GTPBP10: variants seen among roughly 807,000 people sequenced by gnomAD.
GTPBP10 encodes the protein GTP-binding protein 10.
GTPBP10 carries 38 observed loss-of-function variants against 44.8 expected under a neutral mutation model. The ratio of observed to expected loss-of-function variants is 0.85; its 90% CI spans 0.65 to 1.11. GTPBP10 has a LOEUF of 1.11. Among genes scored for constraint, GTPBP10 ranks in the 50% most tolerant of loss-of-function variants. The pLI is 0.00. For synonymous variants in GTPBP10, 152 were observed against 150.6 expected (o/e 1.01, Z -0.07); for missense variants, 462 against 453.7 (o/e 1.02, Z -0.17).
At chr7:90,355,937 G>A (rs1003072235) in intron 4 of GTPBP10, among the ~76,000 whole-genome samples, 3 of 152,082 alleles carry the variant, frequency 2.0e-5, no homozygotes, top group African/African-American at 7.2e-5. Flanking sequence ...ACTTCAATTT[G>A]CATTTGCTCT....
chr7:90,382,550 A>C (rs17864947), intron 8 of GTPBP10, among the ~76,000 whole-genome samples: 2,358 of 152,266 alleles, frequency 0.015, 60 homozygotes, highest in African/African-American at 0.052. Context: ...TTTATCTATT[A>C]TTTTACTTGT....
chr7:90,377,372 G>T, intron 6 of GTPBP10, 135 bp from the exon 7 acceptor site: 1 of 522,810 alleles, frequency 1.9e-6, no homozygotes, highest in Non-Finnish European at 3.4e-6. Context: ...CTTATACTTG[G>T]CTTTTCAAAG....
chr7:90,384,345 A>G (rs992287559), intron 9 of GTPBP10, among the ~76,000 whole-genome samples: 3 of 152,176 alleles, frequency 2.0e-5, no homozygotes, highest in African/African-American at 7.2e-5. Flanking sequence ...AGGTAAAAGT[A>G]ATATAACAAT....
At chr7:90,368,255 T>C (rs1024061466) in intron 4 of GTPBP10, among the ~76,000 whole-genome samples, 2 of 152,196 alleles carry the variant, frequency 1.3e-5, no homozygotes, top group African/African-American at 4.8e-5. Flanking sequence ...GACAATTATG[T>C]GTCTTGCGGT....
rs1375473066 is a variant in GTPBP10, at chr7:90,355,159, C to G, written c.393C>G (p.Phe131Leu). The G allele has an allele frequency of 3.1e-6, 5 of 1,606,854 alleles. No homozygotes were observed. Among genetic ancestry groups the G allele is most frequent in the Middle Eastern group, 1.7e-4 (1 of 5,896 alleles). ...TTGGTGGTAAATTACTTACAAATTT[C>G]TTACCATTGAAAGGCCAGAAACGAA... is the stretch of plus-strand genomic sequence containing the variant. ...GGLGGKLLTN[F>L]LPLKGQKRII... Residue 131 changes from phenylalanine (F) to leucine (L), a missense_variant, in exon 4 of 10, where the codon TTC becomes TTG. Phe to Leu is a conservative substitution (Grantham distance 22). Coordinates refer to ENST00000222511, the MANE Select transcript of GTPBP10 (RefSeq NM_033107.4).
chr7:90,385,755 CA>C lies in GTPBP10; in HGVS notation c.*602del, dbSNP rs1363744548. 2.0e-5 allele frequency: 3 copies of C among 151,786 alleles called. No individual in the cohort carries two copies. Among genetic ancestry groups the C allele is most frequent in the Non-Finnish European group, 4.4e-5 (3 of 67,978 alleles). The allele number at this position is 151,786 out of a possible 1,614,324, so 9.4% of individuals were successfully genotyped here. ...ATTATTTTGTAATTAAGTATGTCAA[CA>C]GTAAAAAATAACCAGTGGCCAGGCA... On this transcript the variant is annotated 3_prime_UTR_variant, in exon 10 of 10. Transcript: ENST00000222511.
rs1467286001 is a variant in GTPBP10 at position 90,362,173 on chromosome 7, A to G, written c.464+6943A>G. ...TCTTAGTTATTTCTTGCTTTCTGCT[A>G]GCTTTTGAATGTGTTTGTTCTTGCT... On this transcript the variant is annotated intron_variant, in intron 4 of 9. Transcript: ENST00000222511. 2.6e-5 allele frequency among the ~76,000 whole-genome samples: 4 copies of G among 151,898 alleles called. No homozygotes were observed. In the East Asian group the frequency reaches 7.8e-4, roughly 29 times the overall value.
chr7:90,351,687 C>CT (rs1218609796), intron 1 of GTPBP10, among the ~76,000 whole-genome samples: 1 of 152,070 alleles, frequency 6.6e-6, no homozygotes, highest in Non-Finnish European at 1.5e-5. Context: ...GAATTTTTTA[C>CT]TTTATTTCAT....
chr7:90,373,114 C>A (rs1796288779), intron 5 of GTPBP10, among the ~76,000 whole-genome samples: 1 of 151,910 alleles, frequency 6.6e-6, no homozygotes, highest in African/African-American at 2.4e-5. Flanking sequence ...TTAGTGGTGG[C>A]AGGGAGTAGA....
chr7:90,370,875 C>T (rs950905500), intron 4 of GTPBP10, among the ~76,000 whole-genome samples: 7 of 151,826 alleles, frequency 4.6e-5, no homozygotes, highest in Middle Eastern at 3.4e-3. Flanking sequence ...GGCATTGTGG[C>T]GGGCGCCTGT....
At chr7:90,370,072 G>C (rs1796228704) in intron 4 of GTPBP10, among the ~76,000 whole-genome samples, 1 of 152,068 alleles carries the variant, frequency 6.6e-6, no homozygotes, top group South Asian at 2.1e-4. Flanking sequence ...TACACTGCTT[G>C]GGTGATGGGT....
At chr7:90,350,115 G>T (rs1456314793) in intron 1 of GTPBP10, among the ~76,000 whole-genome samples, 1 of 151,890 alleles carries the variant, frequency 6.6e-6, no homozygotes, top group Admixed American at 6.6e-5. Flanking sequence ...TGTTCCCCCC[G>T]TGTCCCAAGT....
At chr7:90,354,601 TGAAAC>T in intron 3 of GTPBP10, 52 bp downstream of exon 3, 1 of 911,936 alleles carries the variant, frequency 1.1e-6, no homozygotes, top group Non-Finnish European at 1.7e-6. Flanking sequence ...TTTTCTAAAA[TGAAAC>T]AATGGAATAG....
intron 5 of GTPBP10, among the ~76,000 whole-genome samples, chr7:90,373,157 A>G (rs1481674049): frequency 6.6e-6 from 1 of 152,156 alleles, no homozygotes; most frequent in Admixed American, 6.5e-5. Context: ...AATAAGGGAA[A>G]GAATCGAGAT....
In GTPBP10 at chr7:90,389,640, C is replaced by T. The variant is rs561661228; in HGVS notation, c.*4486C>T. 4 of 152,150 alleles carry T rather than the reference C, an allele frequency of 2.6e-5. No individual in the cohort carries two copies. The South Asian group carries it at 6.2e-4, about 24-fold the overall frequency. 9.4% of individuals were successfully genotyped at this position (152,150 alleles called of 1,614,324 possible). The stretch of plus-strand genomic sequence containing the variant: ...AAAGACATTTATTAAAAAAAAATGT[C>T]TATGCCTTATCAAAGTTTATAACTC... On this transcript the variant is annotated 3_prime_UTR_variant, in exon 10 of 10. Coordinates refer to ENST00000222511, the MANE Select transcript of GTPBP10 (RefSeq NM_033107.4).
At chr7:90,382,037 A>G (rs1359714962) in intron 8 of GTPBP10, among the ~76,000 whole-genome samples, 1 of 152,174 alleles carries the variant, frequency 6.6e-6, no homozygotes, top group Non-Finnish European at 1.5e-5. Flanking sequence ...CAGGCAACAA[A>G]AAGAAAAATA....
chr7:90,371,160 A>C, intron 4 of GTPBP10: 2 of 952,652 alleles, frequency 2.1e-6, no homozygotes, highest in Non-Finnish European at 2.5e-6. Flanking sequence ...ACTTGTTTGC[A>C]TAAAGAAAAA....
At chr7:90,365,375 T>TTTTC (rs2115687637) in intron 4 of GTPBP10, among the ~76,000 whole-genome samples, 1 of 86,776 alleles carries the variant, frequency 1.2e-5, no homozygotes, top group Admixed American at 1.1e-4. Context: ...TTTCTTTTTT[T>TTTTC]TTTTTTTTTT....
At chr7:90,358,682 C>A (rs985047758) in intron 4 of GTPBP10, among the ~76,000 whole-genome samples, 1 of 152,054 alleles carries the variant, frequency 6.6e-6, no homozygotes, top group African/African-American at 2.4e-5. Flanking sequence ...AGGAAAAACC[C>A]TTCTGGACAT....
Sources: allele counts gnomAD v4.1 joint callset (sites outside exome capture counted in the v4.1 genomes callset), GRCh38; gene constraint gnomAD v4.1.1; transcripts MANE v1.5; gene names NCBI Gene and HGNC (gene_info 2026-07-23, HGNC 2026-07-21).